Variants in NRXN1 observed in about 807,000 individuals in gnomAD.
NRXN1 encodes the protein neurexin 1.
In NRXN1, 39 loss-of-function variants were observed where a neutral mutation model predicts 150.9. The ratio of observed to expected loss-of-function variants is 0.26; its 90% confidence interval spans 0.20 to 0.34. The LOEUF is 0.34. Among genes scored for constraint, NRXN1 ranks in the 10% least tolerant of loss-of-function variants. NRXN1 has a pLI of 1.00. For synonymous variants in NRXN1, 924 were observed against 757.0 expected (o/e 1.22, Z -3.62); for missense variants, 1,815 against 1,949.9 (o/e 0.93, Z 1.30).
At chr2:49,992,131 C>T (rs113192354) in intron 21 of NRXN1, among the ~76,000 whole-genome samples, 438 of 152,144 alleles carry the variant, frequency 2.9e-3, no homozygotes, top group Non-Finnish European at 4.1e-3. Flanking sequence ...TCTTAGAAGA[C>T]GACACAGGAG....
chr2:50,637,875 T>A (rs976672641), intron 5 of NRXN1, among the ~76,000 whole-genome samples: 60 of 149,140 alleles, frequency 4.0e-4, no homozygotes, highest in African/African-American at 1.4e-3. Flanking sequence ...ATCTAGTATT[T>A]AAAAAAAAAA....
intron 18 of NRXN1, among the ~76,000 whole-genome samples, chr2:50,235,880 T>C (rs1000163279): frequency 2.0e-5 from 3 of 152,040 alleles, no homozygotes; most frequent in African/African-American, 4.8e-5. Flanking sequence ...AGAACTATGA[T>C]AATAAGAACC....
chr2:50,026,183 T>C (rs1253372736), intron 21 of NRXN1, among the ~76,000 whole-genome samples: 1 of 152,222 alleles, frequency 6.6e-6, no homozygotes, highest in African/African-American at 2.4e-5. Flanking sequence ...GGACTCTGTC[T>C]ACAAGAGTAG....
intron 17 of NRXN1, among the ~76,000 whole-genome samples, chr2:50,389,217 A>G (rs2081525569): frequency 6.6e-6 from 1 of 151,150 alleles, no homozygotes; most frequent in Non-Finnish European, 1.5e-5. Context: ...GTGCAAGCAC[A>G]ACATCAGACC....
chr2:50,566,645 T>G (rs1420765565), intron 8 of NRXN1, among the ~76,000 whole-genome samples: 1 of 152,062 alleles, frequency 6.6e-6, no homozygotes, highest in Non-Finnish European at 1.5e-5. Flanking sequence ...AACTTCTACG[T>G]CTCATGACAG....
At chr2:50,599,864 T>C (rs1177226666) in intron 8 of NRXN1, among the ~76,000 whole-genome samples, 2 of 152,174 alleles carry the variant, frequency 1.3e-5, no homozygotes, top group Admixed American at 6.5e-5. Context: ...ATAATTGTTT[T>C]GTCAGTTGAT....
At chr2:50,676,673 T>A (rs1210341663) in intron 5 of NRXN1, among the ~76,000 whole-genome samples, 2 of 152,152 alleles carry the variant, frequency 1.3e-5, no homozygotes, top group Non-Finnish European at 1.5e-5. Context: ...TAATTGGTAT[T>A]ATTATTATAA....
At chr2:50,533,564 TCAC>T (rs781528390) in intron 10 of NRXN1, among the ~76,000 whole-genome samples, 7 of 152,150 alleles carry the variant, frequency 4.6e-5, no homozygotes, top group Non-Finnish European at 1.0e-4. Context: ...TGATTGCTGT[TCAC>T]CTCTGCCACT....
chr2:50,375,063 T>G (rs879745980), intron 17 of NRXN1, among the ~76,000 whole-genome samples: 6 of 152,152 alleles, frequency 3.9e-5, no homozygotes, highest in Admixed American at 3.9e-4. Flanking sequence ...GCATAAAAAT[T>G]TGTTTATATC....
At chr2:50,328,011 T>C (rs1268337835) in intron 17 of NRXN1, among the ~76,000 whole-genome samples, 2 of 152,048 alleles carry the variant, frequency 1.3e-5, no homozygotes, top group African/African-American at 4.8e-5. Context: ...ATATGTGTAT[T>C]CTGATTTTCC....
At chr2:49,988,146 T>C (rs1270391914) in intron 21 of NRXN1, among the ~76,000 whole-genome samples, 1 of 152,114 alleles carries the variant, frequency 6.6e-6, no homozygotes, top group African/African-American at 2.4e-5. Flanking sequence ...AAATATATAT[T>C]AAAGAGTGAA....
intron 18 of NRXN1, among the ~76,000 whole-genome samples, chr2:50,226,792 A>C (rs1027649243): frequency 6.6e-6 from 1 of 151,612 alleles, no homozygotes; most frequent in African/African-American, 2.4e-5. Flanking sequence ...TGTATCTCTA[A>C]CCCCCCCAAA....
At chr2:50,091,783 G>C (rs1227335385) in intron 18 of NRXN1, among the ~76,000 whole-genome samples, 2 of 152,186 alleles carry the variant, frequency 1.3e-5, no homozygotes. Flanking sequence ...CCTGCACAAA[G>C]GACATCCTTT....
chr2:50,373,440 TGCTCCCTA>T (rs534688154), intron 17 of NRXN1, among the ~76,000 whole-genome samples: 61 of 149,978 alleles, frequency 4.1e-4, no homozygotes, highest in African/African-American at 1.4e-3. Flanking sequence ...TGAACTCTTC[TGCTCCCTA>T]GCTCCCATAC....
intron 17 of NRXN1, among the ~76,000 whole-genome samples, chr2:50,321,258 C>G (rs1411329394): frequency 6.6e-6 from 1 of 152,092 alleles, no homozygotes; most frequent in African/African-American, 2.4e-5. Context: ...ATAAAGTATC[C>G]AGAGATACCT....
intron 17 of NRXN1, among the ~76,000 whole-genome samples, chr2:50,465,057 C>T (rs1407393047): frequency 6.6e-6 from 1 of 151,592 alleles, no homozygotes; most frequent in African/African-American, 2.4e-5. Context: ...GACCTGTAAC[C>T]ATTCAGTAAA....
At position 50,087,303 on chromosome 2, in the gene NRXN1, G is replaced by C. The variant is rs184385999; in HGVS notation, c.3718+4020C>G. Among the ~76,000 whole-genome samples, 16 of 152,018 alleles carry C rather than the reference G, an allele frequency of 1.1e-4. No individual in the cohort carries two copies. In the East Asian group the frequency reaches 2.7e-3, roughly 26 times the overall value. On this transcript the variant is annotated intron_variant, in intron 19 of 22. Transcript: ENST00000401669. ...TGTAGTATATATCCTTTAAATATTT[G>C]TTGATTTAATATGTTAACTTGAGTA...
intron 6 of NRXN1, 71 bp from the exon 7 acceptor site, chr2:50,621,320 T>A (rs1418160615): frequency 1.7e-6 from 2 of 1,180,216 alleles, no homozygotes; most frequent in Non-Finnish European, 2.5e-6. Context: ...TTAAAAAATA[T>A]GATGGTCTCT....
intron 18 of NRXN1, among the ~76,000 whole-genome samples, chr2:50,101,968 C>G (rs929571603): frequency 6.6e-6 from 1 of 151,972 alleles, no homozygotes; most frequent in African/African-American, 2.4e-5. Flanking sequence ...TTCTTATTGA[C>G]TTCTAGTCCA....
Sources: allele counts gnomAD v4.1 joint callset (sites outside exome capture counted in the v4.1 genomes callset), GRCh38; gene constraint gnomAD v4.1.1; transcripts MANE v1.5; gene names NCBI Gene and HGNC (gene_info 2026-07-23, HGNC 2026-07-21).